Variants in NT5DC1 observed in about 807,000 individuals in gnomAD.
NT5DC1 encodes the protein 5'-nucleotidase domain-containing protein 1.
NT5DC1 carries 42 observed loss-of-function variants against 59.4 expected under a neutral mutation model. The ratio of observed to expected loss-of-function variants is 0.71; its 90% confidence interval spans 0.55 to 0.92. The LOEUF (loss-of-function observed/expected upper bound fraction) is 0.92. NT5DC1 is among the 40% of genes least tolerant of loss of function. The pLI, the probability that NT5DC1 is intolerant of heterozygous loss-of-function variation, is 0.00. For synonymous variants in NT5DC1, 172 were observed against 188.1 expected (o/e 0.91, Z 0.70); for missense variants, 501 against 537.1 (o/e 0.93, Z 0.66).
rs771415291 is a variant in NT5DC1, at chr6:116,244,068, T to TA, written c.*52dup. On this transcript the variant is annotated 3_prime_UTR_variant, in exon 12 of 12. Coordinates refer to ENST00000319550, the MANE Select transcript of NT5DC1 (RefSeq NM_152729.3). ...TGAAGTGAAGACCCATATATGCAGT[T>TA]AAAAAAAAGTTAATTTTCAAAAAAT... is the stretch of plus-strand genomic sequence containing the variant. 64 of 737,068 alleles carry TA rather than the reference T, an allele frequency of 8.7e-5. No individual in the cohort carries two copies. The highest frequency in any genetic ancestry group is 1.9e-4 in the Admixed American group (7 of 37,178). The allele number at this position is 737,068 out of a possible 1,614,324, so 45.7% of individuals were successfully genotyped here.
chr6:116,121,442 T>C (rs1779121768), intron 6 of NT5DC1: 2 of 1,613,940 alleles, frequency 1.2e-6, no homozygotes, highest in Non-Finnish European at 1.7e-6. Context: ...TGGAACCCCA[T>C]TTTCACCTCT....
rs144821990 is a variant in NT5DC1 at position 116,239,119 on chromosome 6, C to T, written c.1248C>T (p.Ile416=). ...TTGCAATTCCAAGTATTGAAGCAAT[C>T]GCAGGTAAGGGGGAAAATACCTATA... ...STIAIPSIEA[I]AELPLDYKFT... is the part of the protein sequence containing the mutation. The change falls in exon 11 of 12, where the codon ATC becomes ATT. Residue 416 remains isoleucine, a synonymous_variant. Coordinates refer to ENST00000319550, the MANE Select transcript of NT5DC1 (RefSeq NM_152729.3). The T allele has an allele frequency of 8.1e-6, 13 of 1,607,362 alleles. No individual in the cohort carries two copies. The highest frequency in any genetic ancestry group is 5.4e-5 in the African/African-American group (4 of 74,732).
At chr6:116,110,662 G>C in intron 3 of NT5DC1, 188 bp from the exon 4 acceptor site, 3 of 674,528 alleles carry the variant, frequency 4.4e-6, no homozygotes, top group East Asian at 2.7e-5. Context: ...ATTAAAGCGG[G>C]TAAGTGCTAC....
chr6:116,206,858 G>C (rs1481667618), intron 6 of NT5DC1, among the ~76,000 whole-genome samples: 1 of 151,748 alleles, frequency 6.6e-6, no homozygotes, highest in Non-Finnish European at 1.5e-5. Flanking sequence ...ATACACATAG[G>C]GCATTTAGTG....
At chr6:116,182,789 C>T (rs548654763) in intron 6 of NT5DC1, among the ~76,000 whole-genome samples, 1 of 151,920 alleles carries the variant, frequency 6.6e-6, no homozygotes, top group Non-Finnish European at 1.5e-5. Flanking sequence ...GATATTACTC[C>T]TTTGTTGGAT....
At chr6:116,231,178 A>G (rs1364776618) in intron 8 of NT5DC1, among the ~76,000 whole-genome samples, 1 of 139,438 alleles carries the variant, frequency 7.2e-6, no homozygotes, top group African/African-American at 2.7e-5. Context: ...AGATAAGAGT[A>G]AGAATCACAC....
chr6:116,110,035 A>G (rs1778843033), intron 3 of NT5DC1, among the ~76,000 whole-genome samples: 1 of 152,188 alleles, frequency 6.6e-6, no homozygotes, highest in Non-Finnish European at 1.5e-5. Context: ...TTTAATAGAT[A>G]TAGTAAGAAA....
intron 6 of NT5DC1, among the ~76,000 whole-genome samples, chr6:116,202,209 C>T (rs1045839258): frequency 2.6e-4 from 39 of 152,014 alleles, no homozygotes; most frequent in African/African-American, 9.4e-4. Flanking sequence ...GCTCCCCTAC[C>T]TTAGCTCTGG....
At chr6:116,218,565 T>C (rs759609036) in intron 6 of NT5DC1, among the ~76,000 whole-genome samples, 12 of 152,266 alleles carry the variant, frequency 7.9e-5, no homozygotes, top group Non-Finnish European at 1.6e-4. Flanking sequence ...CATTTAGATT[T>C]ATTATTATCA....
chr6:116,162,864 G>A (rs1432904370), intron 6 of NT5DC1, among the ~76,000 whole-genome samples: 7 of 151,898 alleles, frequency 4.6e-5, no homozygotes, highest in Non-Finnish European at 1.0e-4. Flanking sequence ...GTGGCTCAGA[G>A]CGCCTGTAAT....
At chr6:116,232,257 T>G (rs1782032042) in intron 8 of NT5DC1, among the ~76,000 whole-genome samples, 1 of 152,198 alleles carries the variant, frequency 6.6e-6, no homozygotes, top group African/African-American at 2.4e-5. Flanking sequence ...CTAGGGGTTA[T>G]TATTTTAACT....
intron 6 of NT5DC1, among the ~76,000 whole-genome samples, chr6:116,187,591 G>C (rs1781028863): frequency 6.6e-6 from 1 of 152,092 alleles, no homozygotes; most frequent in South Asian, 2.1e-4. Flanking sequence ...CTTGATGACA[G>C]AACAGGTACA....
intron 9 of NT5DC1, chr6:116,237,583 T>C: frequency 2.2e-6 from 1 of 450,638 alleles, no homozygotes; most frequent in Non-Finnish European, 4.5e-6. Flanking sequence ...GCAGTCTGAC[T>C]TGCAGATGCT....
chr6:116,106,382 G>A (rs1368141252), intron 2 of NT5DC1, 47 bp downstream of exon 2: 2 of 828,934 alleles, frequency 2.4e-6, no homozygotes, highest in Non-Finnish European at 4.0e-6. Context: ...CATTTCCTGT[G>A]GTTCTAATTG....
At chr6:116,225,836 G>A (rs888567485) in intron 8 of NT5DC1, among the ~76,000 whole-genome samples, 10 of 152,226 alleles carry the variant, frequency 6.6e-5, no homozygotes, top group Non-Finnish European at 1.5e-4. Flanking sequence ...ATGTGCTGAT[G>A]AGAATGATCT....
chr6:116,113,673 G>A (rs187305413), intron 4 of NT5DC1, among the ~76,000 whole-genome samples: 38 of 152,176 alleles, frequency 2.5e-4, no homozygotes, highest in African/African-American at 8.9e-4. Flanking sequence ...TTGCATTGTG[G>A]GTGAAAACCA....
chr6:116,236,359 AT>A (rs763693407), intron 8 of NT5DC1, among the ~76,000 whole-genome samples: 11 of 152,184 alleles, frequency 7.2e-5, no homozygotes, highest in Non-Finnish European at 1.5e-4. Context: ...AGGCAAAGAC[AT>A]TTACCTCTTT....
chr6:116,147,585 G>T (rs1012577586), intron 6 of NT5DC1, among the ~76,000 whole-genome samples: 3 of 152,106 alleles, frequency 2.0e-5, no homozygotes, highest in African/African-American at 7.2e-5. Context: ...TAACCCAGTT[G>T]AATAATGGAT....
At position 116,244,013 on chromosome 6, in the gene NT5DC1, A is replaced by G; in HGVS notation, c.1357A>G (p.Ile453Val). Reference sequence around the variant, plus strand: ...GGTCTTATCAAGTGATGAGACACTGATATCCAAATAAGTTGTCTTTACTGA... The same window carrying G: ...GGTCTTATCAAGTGATGAGACACTGGTATCCAAATAAGTTGTCTTTACTGA... ...PLVLSSDETL[I>V]SK The change falls in exon 12 of 12, where the codon ATA becomes GTA. Residue 453 changes from isoleucine to valine, a missense_variant. Coordinates refer to ENST00000319550, the MANE Select transcript of NT5DC1 (RefSeq NM_152729.3). The G allele has an allele frequency of 1.5e-6, 2 of 1,370,514 alleles. No individual in the cohort carries two copies. The highest frequency in any genetic ancestry group is 2.1e-6 in the Non-Finnish European group (2 of 973,928). The allele number at this position is 1,370,514 out of a possible 1,614,324, so 84.9% of individuals were successfully genotyped here. A position where few individuals can be genotyped will look rare whatever the true frequency, so the allele number is the denominator to read the frequency against.
Sources: gnomAD v4.1 joint callset for allele counts (sites outside exome capture counted in the v4.1 genomes callset) on GRCh38, gnomAD v4.1.1 for gene constraint, MANE v1.5 for transcripts, NCBI Gene and HGNC (gene_info 2026-07-23, HGNC 2026-07-21) for gene names.